The following MCEE variants were observed in gnomAD, a reference collection of about 807,000 sequenced individuals.
The protein encoded by MCEE is methylmalonyl-CoA epimerase.
Under a neutral mutation model 12.9 loss-of-function variants are expected in MCEE, and 6 were observed. The ratio of observed to expected loss-of-function variants is 0.47; its 90% CI spans 0.26 to 0.92. The LOEUF (loss-of-function observed/expected upper bound fraction) is 0.92, where lower values mean the gene tolerates loss of function less well. MCEE is among the 40% of genes least tolerant of loss of function. The probability of loss-of-function intolerance (pLI) is 0.16; values close to 1 mark genes in which losing one functional copy is unlikely to be tolerated. For missense variants in MCEE, 214 were observed against 212.1 expected (o/e 1.01, Z -0.05); for synonymous variants, 78 against 77.9 (o/e 1.00, Z -0.01).
At chr2:71,114,420 T>G (rs1457564418) in intron 2 of MCEE, among the ~76,000 whole-genome samples, 1 of 152,104 alleles carries the variant, frequency 6.6e-6, no homozygotes, top group Non-Finnish European at 1.5e-5. Context: ...GGGTAAGAAC[T>G]AAAGGAATCA....
intron 1 of MCEE, among the ~76,000 whole-genome samples, chr2:71,128,776 G>A (rs1354351357): frequency 6.6e-6 from 1 of 152,078 alleles, no homozygotes; most frequent in Non-Finnish European, 1.5e-5. Flanking sequence ...ATCACCTGAG[G>A]CCAGGAGTTC....
rs150226151 is a variant in MCEE, at chr2:71,117,931, G to A, written c.378+6275C>T. The stretch of plus-strand genomic sequence containing the variant: ...TCATCACCCTCCATGTGCTCCAACC[G>A]TGGGGCTGCCCTCTTCATCCCATCT... On this transcript the variant is annotated intron_variant, in intron 2 of 2. Coordinates refer to ENST00000244217, the MANE Select transcript of MCEE (RefSeq NM_032601.4). Among the ~76,000 whole-genome samples, 514 of 149,778 alleles carry A rather than the reference G, an allele frequency of 3.4e-3. 59 individuals carry two copies. Among genetic ancestry groups the A allele is most frequent in the African/African-American group, 0.012 (453 of 39,356 alleles).
At chr2:71,111,416 G>A (rs13029989) in intron 2 of MCEE, among the ~76,000 whole-genome samples, 3 of 151,800 alleles carry the variant, frequency 2.0e-5, no homozygotes, top group South Asian at 2.1e-4. Context: ...CTTCTGCTGC[G>A]TTAGGTGGGA....
rs1673341191 is a variant in MCEE, at chr2:71,130,204, T to C, written c.16A>G (p.Lys6Glu). The C allele has an allele frequency of 6.2e-7, 1 of 1,607,934 alleles. No homozygotes were observed. Among genetic ancestry groups the C allele is most frequent in the Non-Finnish European group, 8.5e-7 (1 of 1,178,134 alleles). The change falls in exon 1 of 3, where the codon AAG (lysine) becomes GAG (glutamate). Residue 6 changes from lysine to glutamate, a missense_variant. Coordinates refer to ENST00000244217, the MANE Select transcript of MCEE (RefSeq NM_032601.4). MARVL[K>E]AAAANAVGLF... The stretch of plus-strand genomic sequence containing the variant: ...CCTACGGCATTCGCGGCTGCAGCCT[T>C]CAGCACCCGCGCCATTTTGGAAAGC...
At chr2:71,122,258 C>T (rs1013359252) in intron 2 of MCEE, among the ~76,000 whole-genome samples, 6 of 152,180 alleles carry the variant, frequency 3.9e-5, no homozygotes, top group African/African-American at 1.2e-4. Context: ...ATCAGCCTCC[C>T]AAGTAGCTGG....
At chr2:71,111,385 T>C (rs972130150) in intron 2 of MCEE, among the ~76,000 whole-genome samples, 2 of 152,138 alleles carry the variant, frequency 1.3e-5, no homozygotes, top group Non-Finnish European at 2.9e-5. Flanking sequence ...TTTAAATTCA[T>C]ATCAATATTA....
chr2:71,125,603 A>G, intron 1 of MCEE, among the ~76,000 whole-genome samples: 1 of 152,152 alleles, frequency 6.6e-6, no homozygotes, highest in East Asian at 1.9e-4. Flanking sequence ...TCGGTCTCCC[A>G]AAGTGCTGGG....
chr2:71,114,191 G>C (rs564152941), intron 2 of MCEE, among the ~76,000 whole-genome samples: 1 of 152,274 alleles, frequency 6.6e-6, no homozygotes, highest in East Asian at 1.9e-4. Flanking sequence ...AGGGGTGGAG[G>C]AGTGGGGGAA....
intron 1 of MCEE, among the ~76,000 whole-genome samples, chr2:71,125,211 A>ATATATATATATATATATATTTTTTTTT: frequency 2.1e-4 from 10 of 48,582 alleles, no homozygotes; most frequent in Admixed American, 6.6e-4. Flanking sequence ...ATATATATAT[A>ATATATATATATATATATATTTTTTTTT]TTTTTTTTTT....
intron 1 of MCEE, among the ~76,000 whole-genome samples, chr2:71,125,211 A>ATTTTTTTTTTTTTTT (rs1243506608): frequency 6.2e-5 from 3 of 48,608 alleles, no homozygotes; most frequent in Non-Finnish European, 1.3e-4. Context: ...ATATATATAT[A>ATTTTTTTTTTTTTTT]TTTTTTTTTT....
chr2:71,127,055 T>C (rs915861623), intron 1 of MCEE, among the ~76,000 whole-genome samples: 1 of 152,200 alleles, frequency 6.6e-6, no homozygotes, highest in African/African-American at 2.4e-5. Flanking sequence ...TTTGCATGAA[T>C]ATACTACAGT....
At chr2:71,128,092 T>C (rs1673277185) in intron 1 of MCEE, among the ~76,000 whole-genome samples, 1 of 138,368 alleles carries the variant, frequency 7.2e-6, no homozygotes, top group African/African-American at 2.9e-5. Context: ...TTTCAAACTA[T>C]GATCAATTTT....
At position 71,109,823 on chromosome 2, in the gene MCEE, G is replaced by T; in HGVS notation, c.*147C>A. 3 of 604,696 alleles carry T rather than the reference G, an allele frequency of 5.0e-6. No individual in the cohort carries two copies. Among genetic ancestry groups the T allele is most frequent in the Non-Finnish European group, 8.6e-6 (3 of 349,044 alleles). The allele number at this position is 604,696 out of a possible 1,614,324, so 37.5% of individuals were successfully genotyped here. ...TATACATATTTATGTATTTATATAT[G>T]TATATATTTTAATCTTTCTGTAATT... On this transcript the variant is annotated 3_prime_UTR_variant, in exon 3 of 3. Coordinates refer to ENST00000244217, the MANE Select transcript of MCEE (RefSeq NM_032601.4).
chr2:71,122,946 A>G (rs1673127231), intron 2 of MCEE, among the ~76,000 whole-genome samples: 2 of 152,236 alleles, frequency 1.3e-5, no homozygotes, highest in Non-Finnish European at 2.9e-5. Flanking sequence ...ATCTGCCAGG[A>G]GCAATCAATC....
In MCEE at chr2:71,123,250, G is replaced by A. The variant is rs1309076681; in HGVS notation, c.378+956C>T. On this transcript the variant is annotated intron_variant, in intron 2 of 2. Transcript: ENST00000244217. Reference sequence around the variant, plus strand: ...CTCACGCCTATAATCCCAGCACTTTGAGAGGCTGACGTAGGTGAATCACCT... The same window carrying A: ...CTCACGCCTATAATCCCAGCACTTTAAGAGGCTGACGTAGGTGAATCACCT... Among the ~76,000 whole-genome samples the A allele has an allele frequency of 2.0e-5, 3 of 152,318 alleles. 1 individual carries two copies. In the East Asian group the frequency reaches 5.8e-4, roughly 29 times the overall value.
chr2:71,112,889 A>G (rs1362014927), intron 2 of MCEE, among the ~76,000 whole-genome samples: 1 of 152,214 alleles, frequency 6.6e-6, no homozygotes, highest in Non-Finnish European at 1.5e-5. Context: ...TGGGACTCCA[A>G]CTATATTCTG....
chr2:71,125,188 A>AATATATATATATATATATATATATATAT (rs67615436), intron 1 of MCEE, among the ~76,000 whole-genome samples: 1 of 65,678 alleles, frequency 1.5e-5, no homozygotes, highest in Non-Finnish European at 3.3e-5. Context: ...TATATATATA[A>AATATATATATATATATATATATATATAT]ATATATATAT....
At chr2:71,130,050 C>T in intron 1 of MCEE, 130 bp downstream of exon 1, 1 of 913,856 alleles carries the variant, frequency 1.1e-6, no homozygotes, top group Non-Finnish European at 1.8e-6. Flanking sequence ...ACAGCAGCTG[C>T]TGTGGAACGC....
intron 1 of MCEE, 86 bp downstream of exon 1, chr2:71,130,094 T>G: frequency 2.2e-6 from 3 of 1,365,200 alleles, no homozygotes; most frequent in Non-Finnish European, 3.1e-6. Flanking sequence ...CAAGGTGCTT[T>G]GGCCACGCCG....
Sources: gnomAD v4.1 joint callset for allele counts (sites outside exome capture counted in the v4.1 genomes callset) on GRCh38, gnomAD v4.1.1 for gene constraint, MANE v1.5 for transcripts, NCBI Gene and HGNC (gene_info 2026-07-23, HGNC 2026-07-21) for gene names.